Variants in NEGR1 observed in about 807,000 individuals in gnomAD.
NEGR1 encodes IgLON family member 4.
NEGR1 carries 10 observed loss-of-function variants against 40.9 expected under a neutral mutation model. The ratio of observed to expected loss-of-function variants is 0.24; its 90% CI spans 0.15 to 0.42. The LOEUF (loss-of-function observed/expected upper bound fraction) is 0.42. NEGR1 is among the 10% of genes least tolerant of loss of function. The pLI is 1.00. For missense variants in NEGR1, 352 were observed against 438.9 expected, an observed-to-expected ratio of 0.80 and a Z score of 1.77; for synonymous variants, 185 against 166.8, an observed-to-expected ratio of 1.11 and a Z score of -0.84.
At chr1:71,722,390 G>A (rs1654538452) in intron 3 of NEGR1, among the ~76,000 whole-genome samples, 1 of 151,354 alleles carries the variant, frequency 6.6e-6, no homozygotes, top group Admixed American at 6.6e-5. Context: ...TTATTTTTAA[G>A]TAAAATTACA....
intron 2 of NEGR1, among the ~76,000 whole-genome samples, chr1:71,780,196 G>A (rs1050602638): frequency 1.3e-4 from 19 of 151,928 alleles, no homozygotes; most frequent in African/African-American, 4.6e-4. Flanking sequence ...AGGAGCAGAT[G>A]TATTTAATCA....
chr1:71,593,041 T>C (rs986125981), intron 5 of NEGR1, 73 bp from the exon 6 acceptor site: 3 of 1,068,352 alleles, frequency 2.8e-6, no homozygotes, highest in South Asian at 2.8e-5. Context: ...TTAGCTGGGG[T>C]TGTCATGGCA....
At position 72,036,343 on chromosome 1, in the gene NEGR1, A is replaced by G. The variant is rs12757972; in HGVS notation, c.177-101032T>C. Reference sequence around the variant, plus strand: ...TAGGCTATAGTAGGAAAAAATGTGCACACTACAAAGGTACAATTAAAAGCC... The same window carrying G: ...TAGGCTATAGTAGGAAAAAATGTGCGCACTACAAAGGTACAATTAAAAGCC... On this transcript the variant is annotated intron_variant, in intron 1 of 6. Transcript: ENST00000357731. Among the ~76,000 whole-genome samples the G allele has an allele frequency of 6.3e-3, 958 of 152,230 alleles. 10 individuals carry two copies. The highest frequency in any genetic ancestry group is 0.01 in the Non-Finnish European group (690 of 68,000).
chr1:71,811,195 G>A (rs193233141), intron 2 of NEGR1, among the ~76,000 whole-genome samples: 2 of 152,148 alleles, frequency 1.3e-5, no homozygotes, highest in African/African-American at 2.4e-5. Flanking sequence ...TCTCCATGAC[G>A]AAATATTAAA....
intron 1 of NEGR1, among the ~76,000 whole-genome samples, chr1:72,076,804 A>C (rs2100519677): frequency 6.6e-6 from 1 of 151,794 alleles, no homozygotes; most frequent in South Asian, 2.1e-4. Flanking sequence ...TATATAACAA[A>C]GTTTGTCAAT....
chr1:72,140,347 T>C (rs1650627133), intron 1 of NEGR1, among the ~76,000 whole-genome samples: 1 of 152,030 alleles, frequency 6.6e-6, no homozygotes, highest in African/African-American at 2.4e-5. Context: ...ATAAATTTAC[T>C]GGCTCACAGT....
chr1:72,266,722 T>C (rs1400837562), intron 1 of NEGR1, among the ~76,000 whole-genome samples: 6 of 60,958 alleles, frequency 9.8e-5, no homozygotes, highest in South Asian at 4.7e-4. Context: ...TATAGACAGA[T>C]AAACACACAC....
intron 1 of NEGR1, among the ~76,000 whole-genome samples, chr1:72,061,349 T>C (rs764692101): frequency 1.3e-5 from 2 of 151,714 alleles, no homozygotes; most frequent in Non-Finnish European, 2.9e-5. Context: ...TCACCCAATA[T>C]ATAGGGAATG....
At chr1:71,551,218 C>A (rs190359350) in intron 6 of NEGR1, among the ~76,000 whole-genome samples, 220 of 151,588 alleles carry the variant, frequency 1.5e-3, no homozygotes, top group African/African-American at 4.9e-3. Flanking sequence ...ATATCAGATT[C>A]CATTAAAGAC....
chr1:72,004,593 A>C (rs1434407908), intron 1 of NEGR1, among the ~76,000 whole-genome samples: 1 of 152,194 alleles, frequency 6.6e-6, no homozygotes, highest in Admixed American at 6.5e-5. Context: ...CTAGAATATC[A>C]AACTTTTAAC....
intron 6 of NEGR1, among the ~76,000 whole-genome samples, chr1:71,569,283 T>A (rs1648737889): frequency 6.6e-6 from 1 of 151,800 alleles, no homozygotes; most frequent in South Asian, 2.1e-4. Flanking sequence ...AATTTCAGAA[T>A]CTTAGATAAA....
intron 1 of NEGR1, among the ~76,000 whole-genome samples, chr1:72,242,019 G>A (rs943576359): frequency 6.6e-6 from 1 of 150,588 alleles, no homozygotes; most frequent in African/African-American, 2.4e-5. Context: ...AAAAGACAAA[G>A]AAGGATGGAA....
chr1:71,450,303 T>A (rs1646617249), intron 6 of NEGR1, among the ~76,000 whole-genome samples: 1 of 152,042 alleles, frequency 6.6e-6, no homozygotes, highest in East Asian at 1.9e-4. Context: ...ATGTTATTAT[T>A]TACAAGCAAA....
At chr1:71,886,701 T>C (rs996248657) in intron 2 of NEGR1, among the ~76,000 whole-genome samples, 2 of 152,194 alleles carry the variant, frequency 1.3e-5, no homozygotes, top group Non-Finnish European at 1.5e-5. Context: ...TATATATCTT[T>C]AGTAAAGATA....
At position 72,110,200 on chromosome 1, in the gene NEGR1, A is replaced by G. The variant is rs140858969; in HGVS notation, c.176+172119T>C. ...ACTAACTTGCACAATGTGCACATGTACCCTAAAACTTAGAGTATAATAAAA... is the reference window on the plus strand; with the variant it reads ...ACTAACTTGCACAATGTGCACATGTGCCCTAAAACTTAGAGTATAATAAAA... On this transcript the variant is annotated intron_variant, in intron 1 of 6. Coordinates refer to ENST00000357731, the MANE Select transcript of NEGR1 (RefSeq NM_173808.3). 3.3e-3 allele frequency among the ~76,000 whole-genome samples: 462 copies of G among 141,658 alleles called. 3 individuals are homozygous for G. Among genetic ancestry groups the G allele is most frequent in the African/African-American group, 0.012 (443 of 37,892 alleles). 92.9% of individuals were successfully genotyped at this position (141,658 alleles called of 152,430 possible). A position where few individuals can be genotyped will look rare whatever the true frequency, so the allele number is the denominator to read the frequency against.
At chr1:71,694,154 C>G (rs1177911592) in intron 4 of NEGR1, among the ~76,000 whole-genome samples, 2 of 151,592 alleles carry the variant, frequency 1.3e-5, no homozygotes, top group African/African-American at 4.8e-5. Flanking sequence ...CTGCTAAGAA[C>G]AGAACATGAA....
intron 4 of NEGR1, among the ~76,000 whole-genome samples, chr1:71,625,791 T>A (rs1650755205): frequency 6.6e-6 from 1 of 151,960 alleles, no homozygotes; most frequent in Non-Finnish European, 1.5e-5. Context: ...CTAACATGAA[T>A]AATGCAATGT....
Position 71,836,321 on chromosome 1 carries a change from G to A in NEGR1, c.410-60024C>T, listed in dbSNP as rs117390137. On this transcript the variant is annotated intron_variant, in intron 2 of 6. Transcript: ENST00000357731. Reference sequence around the variant, plus strand: ...ACAAAAATTAGCTGGGAGTGGTCCCGGGTGCCTGTAGACAGAATTGCTGCT... The same window carrying A: ...ACAAAAATTAGCTGGGAGTGGTCCCAGGTGCCTGTAGACAGAATTGCTGCT... 2.2e-3 allele frequency among the ~76,000 whole-genome samples: 332 copies of A among 151,456 alleles called. 5 individuals are homozygous for A. The East Asian group carries it at 0.023, about 10-fold the overall frequency.
chr1:72,230,220 T>C (rs1654320005), intron 1 of NEGR1, among the ~76,000 whole-genome samples: 1 of 152,166 alleles, frequency 6.6e-6, no homozygotes, highest in Non-Finnish European at 1.5e-5. Context: ...AAGTACATGC[T>C]ACATTTTAAT....
Sources: gnomAD v4.1 joint callset for allele counts (sites outside exome capture counted in the v4.1 genomes callset) on GRCh38, gnomAD v4.1.1 for gene constraint, MANE v1.5 for transcripts, NCBI Gene and HGNC (gene_info 2026-07-23, HGNC 2026-07-21) for gene names.